SERINC5: variants seen among roughly 807,000 people sequenced by gnomAD.
SERINC5 encodes the protein chromosome 5 open reading frame 12.
Under a neutral mutation model 63.1 loss-of-function variants are expected in SERINC5, and 41 were observed. The observed-to-expected ratio is 0.65, with a 90% CI of 0.51 to 0.84. The LOEUF (loss-of-function observed/expected upper bound fraction) is 0.84. SERINC5 is among the 40% of genes least tolerant of loss of function. The probability of loss-of-function intolerance (pLI) is 0.00; values close to 1 mark genes in which losing one functional copy is unlikely to be tolerated. For synonymous variants in SERINC5, 222 were observed against 215.2 expected (o/e 1.03, Z -0.28); for missense variants, 523 against 573.0 (o/e 0.91, Z 0.89).
intron 4 of SERINC5, among the ~76,000 whole-genome samples, chr5:80,176,095 C>T (rs990087237): frequency 6.6e-6 from 1 of 152,058 alleles, no homozygotes; most frequent in African/African-American, 2.4e-5. Context: ...AGAAGAATTG[C>T]TTGAACCCGT....
intron 11 of SERINC5, among the ~76,000 whole-genome samples, chr5:80,119,225 A>T (rs985398796): frequency 2.0e-5 from 3 of 152,234 alleles, no homozygotes; most frequent in African/African-American, 7.2e-5. Context: ...TCTCATTACT[A>T]GTGGTAGGTT....
At chr5:80,237,253 A>G (rs562660295) in intron 1 of SERINC5, among the ~76,000 whole-genome samples, 21 of 152,340 alleles carry the variant, frequency 1.4e-4, no homozygotes, top group African/African-American at 4.8e-4. Context: ...GGTAAGTTAA[A>G]TATCAGCTTT....
In SERINC5 at chr5:80,140,944, A is replaced by T. The variant is rs952239538; in HGVS notation, c.*2719T>A. 8 of 985,280 alleles carry T rather than the reference A, an allele frequency of 8.1e-6. No homozygotes were observed. The highest frequency in any genetic ancestry group is 9.6e-6 in the Non-Finnish European group (8 of 829,894). 61.0% of individuals were successfully genotyped at this position (985,280 alleles called of 1,614,324 possible). On this transcript the variant is annotated 3_prime_UTR_variant, in exon 12 of 12. Transcript: ENST00000507668. Reference sequence around the variant, plus strand: ...AGCAAATGTCTATTATTTTTAAAAGATATCAGTGAGTTAATCAAATTAACA... The same window carrying T: ...AGCAAATGTCTATTATTTTTAAAAGTTATCAGTGAGTTAATCAAATTAACA...
At chr5:80,112,578 C>G (rs886894040) in intron 12 of SERINC5, among the ~76,000 whole-genome samples, 1 of 152,128 alleles carries the variant, frequency 6.6e-6, no homozygotes, top group Non-Finnish European at 1.5e-5. Flanking sequence ...GTCTCTGTGT[C>G]TTACTTCTTT....
chr5:80,214,975 A>G (rs1008039419), intron 1 of SERINC5, among the ~76,000 whole-genome samples: 1 of 152,256 alleles, frequency 6.6e-6, no homozygotes, highest in African/African-American at 2.4e-5. Context: ...TAAGCCTTGT[A>G]AAACTTTATA....
At chr5:80,189,017 A>AT (rs746956381) in intron 2 of SERINC5, among the ~76,000 whole-genome samples, 20 of 151,946 alleles carry the variant, frequency 1.3e-4, no homozygotes, top group Non-Finnish European at 2.8e-4. Flanking sequence ...TTTTTTTCTG[A>AT]TTTTTTCTCA....
intron 2 of SERINC5, among the ~76,000 whole-genome samples, chr5:80,188,646 G>A (rs571107368): frequency 9.9e-5 from 15 of 152,270 alleles, no homozygotes; most frequent in Non-Finnish European, 1.6e-4. Context: ...AGCACTTTGA[G>A]AGGCCAAGGC....
chr5:80,143,705 C>T lies in SERINC5; in HGVS notation c.1344G>A (p.Leu448=). Residue 448 remains leucine, a synonymous_variant, in exon 12 of 12, where the codon CTG becomes CTA. Transcript: ENST00000507668. ...GGGTGGGGCAGCAGAGGGGAGCGAC[C>T]AGCGTACACAGGTACAACAGCACGC... ...WICVLLYLCT[L]VAPLCCPTRE... 1 of 1,536,114 alleles carries T rather than the reference C, an allele frequency of 6.5e-7. No individual in the cohort carries two copies. Among genetic ancestry groups the T allele is most frequent in the South Asian group, 1.2e-5 (1 of 84,052 alleles).
rs760935514 is a variant in SERINC5, at chr5:80,143,538, T to TC, written c.*124dup. 3.7e-6 allele frequency: 5 copies of TC among 1,365,198 alleles called. No homozygotes were observed. The highest frequency in any genetic ancestry group is 5.3e-5 in the East Asian group (2 of 37,598). 84.6% of individuals were successfully genotyped at this position (1,365,198 alleles called of 1,614,324 possible). A position where few individuals can be genotyped will look rare whatever the true frequency, so the allele number is the denominator to read the frequency against. ...AAGCTAATCAGGAGATTTTTTTTTT[T>TC]CTCTCTCAAAGCTTTTTCAGACCCA... is the stretch of plus-strand genomic sequence containing the variant. On this transcript the variant is annotated 3_prime_UTR_variant, in exon 12 of 12. Transcript: ENST00000507668.
intron 2 of SERINC5, among the ~76,000 whole-genome samples, chr5:80,195,312 T>C (rs1749431325): frequency 6.6e-6 from 1 of 151,006 alleles, no homozygotes; most frequent in African/African-American, 2.4e-5. Flanking sequence ...ATTCTAACAA[T>C]GTATTCAAAT....
At position 80,234,916 on chromosome 5, in the gene SERINC5, C is replaced by CT. The variant is rs371899216; in HGVS notation, c.27+20979dup. On this transcript the variant is annotated intron_variant, in intron 1 of 11. Coordinates refer to ENST00000507668, the MANE Select transcript of SERINC5 (RefSeq NM_001174072.3). ...CTGTTCCTCACAGATTTAACTTACT[C>CT]TTTTTTTTTACTATGCTGAAACACA... Among the ~76,000 whole-genome samples, 186 of 151,726 alleles carry CT rather than the reference C, an allele frequency of 1.2e-3. 2 individuals carry two copies. Among genetic ancestry groups the CT allele is most frequent in the African/African-American group, 3.9e-3 (162 of 41,414 alleles).
At chr5:80,137,164 C>CAAAAAAAAAAACA (rs796274001), downstream of SERINC5, among the ~76,000 whole-genome samples, 1 of 79,114 alleles carries the variant, frequency 1.3e-5, no homozygotes, top group African/African-American at 4.1e-5. Context: ...AAAAAAAAAA[C>CAAAAAAAAAAACA]AAAAAAAACA....
chr5:80,166,426 G>C lies in SERINC5; in HGVS notation c.816C>G (p.Thr272=), dbSNP rs371765212. The C allele has an allele frequency of 1.7e-5, 27 of 1,596,018 alleles. No individual in the cohort carries two copies. The highest frequency in any genetic ancestry group is 5.7e-5 in the South Asian group (5 of 87,488). The part of the protein sequence containing the change: ...LQSGVISCYV[T]YLTFSALSSK... The stretch of plus-strand genomic sequence containing the variant: ...TGGACAGAGCTGAGAAGGTGAGGTA[G>C]GTGACATAGCAGCTTATGACCCCTG... Residue 272 remains threonine, a synonymous_variant, in exon 7 of 12, where the codon ACC becomes ACG. Transcript: ENST00000507668.
At chr5:80,210,591 A>G (rs147327763) in intron 1 of SERINC5, among the ~76,000 whole-genome samples, 4 of 152,242 alleles carry the variant, frequency 2.6e-5, no homozygotes, top group African/African-American at 9.6e-5. Flanking sequence ...AGCTGGCAAC[A>G]AGAAGGCCAA....
intron 2 of SERINC5, among the ~76,000 whole-genome samples, chr5:80,182,548 C>CG (rs1398927123): frequency 1.5e-5 from 2 of 133,712 alleles, no homozygotes; most frequent in African/African-American, 5.6e-5. Flanking sequence ...CTGACCGCCC[C>CG]CCCCCCCTCC....
intron 6 of SERINC5, among the ~76,000 whole-genome samples, chr5:80,169,102 T>C (rs1580101616): frequency 6.6e-6 from 1 of 152,224 alleles, no homozygotes. Context: ...TTCCTATTCA[T>C]TGACTTCGTT....
rs563699738 is a variant in SERINC5, at chr5:80,113,639, A to G, written c.1239-14T>C. 2.8e-5 allele frequency: 8 copies of G among 281,528 alleles called. No homozygotes were observed. In the East Asian group the frequency reaches 7.2e-4, roughly 25 times the overall value. 17.4% of individuals were successfully genotyped at this position (281,528 alleles called of 1,614,324 possible). A position where few individuals can be genotyped will look rare whatever the true frequency, so the allele number is the denominator to read the frequency against. ...TGAAAGGCACTTCTTACATGGCAGC[A>G]GCAAGAGAAAAAGAGGGAGAAGCAA... On this transcript the variant is annotated splice_polypyrimidine_tract_variant and intron_variant, in intron 11 of 12. Coordinates refer to the SERINC5 transcript ENST00000509193.
At chr5:80,144,628 C>T (rs139595835) in intron 11 of SERINC5, among the ~76,000 whole-genome samples, 164 of 152,320 alleles carry the variant, frequency 1.1e-3, no homozygotes, top group South Asian at 0.01. Context: ...CTCCTCTCCT[C>T]CTTCAGGAAG....
downstream of SERINC5, among the ~76,000 whole-genome samples, chr5:80,134,509 C>T (rs1745077651): frequency 6.6e-6 from 1 of 151,392 alleles, no homozygotes; most frequent in African/African-American, 2.4e-5. Flanking sequence ...ACAAAATAAA[C>T]AACAACAACA....
Sources: allele counts gnomAD v4.1 joint callset (sites outside exome capture counted in the v4.1 genomes callset), GRCh38; gene constraint gnomAD v4.1.1; transcripts MANE v1.5; gene names NCBI Gene and HGNC (gene_info 2026-07-23, HGNC 2026-07-21).